The following SUCO variants were observed in gnomAD, a reference collection of about 807,000 sequenced individuals.
SUCO encodes SUN domain-containing ossification factor.
In SUCO, 57 loss-of-function variants were observed where a neutral mutation model predicts 148.1. The ratio of observed to expected loss-of-function variants is 0.38; its 90% CI spans 0.31 to 0.48. The LOEUF is 0.48. Ranked by LOEUF, SUCO falls within the 20% of genes least tolerant of loss-of-function variation. SUCO has a pLI of 0.96. For synonymous variants in SUCO, 470 were observed against 502.7 expected, an observed-to-expected ratio of 0.93 and a Z score of 0.87; for missense variants, 1,331 against 1,468.2, an observed-to-expected ratio of 0.91 and a Z score of 1.53.
intron 19 of SUCO, among the ~76,000 whole-genome samples, chr1:172,595,316 G>A (rs1558209622): frequency 6.6e-6 from 1 of 152,166 alleles, no homozygotes; most frequent in Non-Finnish European, 1.5e-5. Context: ...ATGTGATCCT[G>A]TCATTATGAT....
chr1:172,590,613 C>T (rs959533245), intron 18 of SUCO, among the ~76,000 whole-genome samples: 1 of 152,208 alleles, frequency 6.6e-6, no homozygotes, highest in Non-Finnish European at 1.5e-5. Flanking sequence ...TCTTACATCT[C>T]TTAAATTGAA....
chr1:172,536,649 A>G (rs1249759790), intron 1 of SUCO, among the ~76,000 whole-genome samples: 1 of 152,144 alleles, frequency 6.6e-6, no homozygotes, highest in Non-Finnish European at 1.5e-5. Flanking sequence ...AATTGACACA[A>G]ATTTAGTGGC....
Position 172,565,065 on chromosome 1 carries a change from A to ATCTGT in SUCO, c.733-3930_733-3926dup, listed in dbSNP as rs60994408. ...GCTCAGTCTATTCTATTCTGTTCTG[A>ATCTGT]TCTGTTCTGTTCTGTTCTGTTCTGT... On this transcript the variant is annotated intron_variant, in intron 6 of 23. Transcript: ENST00000263688. Among the ~76,000 whole-genome samples the ATCTGT allele has an allele frequency of 7.0e-3, 1,061 of 152,044 alleles. 7 individuals carry two copies. Among genetic ancestry groups the ATCTGT allele is most frequent in the African/African-American group, 0.013 (527 of 41,384 alleles).
rs1045006333 is a variant in SUCO, at chr1:172,611,308, C to T, written c.*1049C>T. 2 of 152,432 alleles carry T rather than the reference C, an allele frequency of 1.3e-5. No individual in the cohort carries two copies. The highest frequency in any genetic ancestry group is 2.1e-4 in the South Asian group (1 of 4,824). 9.4% of individuals were successfully genotyped at this position (152,432 alleles called of 1,614,324 possible). On this transcript the variant is annotated 3_prime_UTR_variant, in exon 24 of 24. Coordinates refer to ENST00000263688, the MANE Select transcript of SUCO (RefSeq NM_014283.5). Reference sequence around the variant, plus strand: ...TGCAGAGGTAATACATATGTGATGTCGATGTCTCTGTCTTTTTTTTTGTCT... The same window carrying T: ...TGCAGAGGTAATACATATGTGATGTTGATGTCTCTGTCTTTTTTTTTGTCT...
chr1:172,602,155 C>T lies in SUCO; in HGVS notation c.3110C>T (p.Ser1037Phe). ...TGTATGCAGCGTTGTCGAAATACTT[C>T]TCAATTTGATGGAGATTATATTTCA... Reference protein sequence around the residue: ...MLCMQRCRNTSQFDGDYISKL... With the variant: ...MLCMQRCRNTFQFDGDYISKL... The change falls in exon 21 of 24, where the codon TCT becomes TTT. Residue 1037 changes from serine to phenylalanine, a missense_variant. This residue lies in a region of SUCO where 334 missense variants were observed against 352.3 expected (regional missense o/e 0.95). Coordinates refer to ENST00000263688, the MANE Select transcript of SUCO (RefSeq NM_014283.5). 6.2e-7 allele frequency: 1 copy of T among 1,613,660 alleles called. No individual in the cohort carries two copies. The highest frequency in any genetic ancestry group is 8.5e-7 in the Non-Finnish European group (1 of 1,179,826).
At chr1:172,589,999 T>C in intron 18 of SUCO, 73 bp downstream of exon 18, 1 of 1,227,860 alleles carries the variant, frequency 8.1e-7, no homozygotes. Flanking sequence ...GACCTGTGAT[T>C]ACAGGAGAGG....
In SUCO at chr1:172,609,855, A is replaced by C. The variant is rs762116688; in HGVS notation, c.3361A>C (p.Ile1121Leu). The C allele has an allele frequency of 3.1e-6, 5 of 1,609,690 alleles. No individual in the cohort carries two copies. Among genetic ancestry groups the C allele is most frequent in the Non-Finnish European group, 4.2e-6 (5 of 1,178,856 alleles). The change falls in exon 24 of 24, where the codon ATA (isoleucine) becomes CTA (leucine). Residue 1121 changes from isoleucine (I) to leucine (L), a missense_variant. Ile to Leu is a conservative substitution (Grantham distance 5, BLOSUM62 2). Transcript: ENST00000263688. ...CKYKIEKIETIKPEEPLHPIA... is the reference protein window; with the variant it reads ...CKYKIEKIETLKPEEPLHPIA... Reference sequence around the variant, plus strand: ...GTACAAAATTGAAAAAATTGAGACCATAAAGCCTGAAGAACCATTGCACCC... The same window carrying C: ...GTACAAAATTGAAAAAATTGAGACCCTAAAGCCTGAAGAACCATTGCACCC...
At chr1:172,539,918 A>G (rs930949252) in intron 1 of SUCO, among the ~76,000 whole-genome samples, 1 of 152,194 alleles carries the variant, frequency 6.6e-6, no homozygotes, top group Non-Finnish European at 1.5e-5. Context: ...TTGTTACAAT[A>G]CAGATAGTGG....
At chr1:172,567,563 G>T (rs1209066025) in intron 6 of SUCO, among the ~76,000 whole-genome samples, 1 of 152,070 alleles carries the variant, frequency 6.6e-6, no homozygotes, top group African/African-American at 2.4e-5. Context: ...ATTGTTTTGA[G>T]ATTTGTTCAT....
intron 19 of SUCO, 72 bp from the exon 20 acceptor site, chr1:172,599,992 T>A: frequency 9.7e-7 from 1 of 1,031,676 alleles, no homozygotes; most frequent in South Asian, 1.7e-5. Context: ...TTTTTTAGAT[T>A]ATTTGACTTC....
chr1:172,549,696 G>C (rs372212333), intron 1 of SUCO, among the ~76,000 whole-genome samples: 1 of 151,744 alleles, frequency 6.6e-6, no homozygotes, highest in Non-Finnish European at 1.5e-5. Flanking sequence ...TTTTTCCTGA[G>C]TCCCTCTGCT....
chr1:172,608,239 G>T, intron 22 of SUCO: 1 of 275,056 alleles, frequency 3.6e-6, no homozygotes, highest in Non-Finnish European at 5.6e-6. Context: ...GTAATAAACA[G>T]AGAAAAATAT....
In SUCO at chr1:172,591,033, G is replaced by A. The variant is rs116451217; in HGVS notation, c.2875G>A (p.Val959Met). The change falls in exon 19 of 24, where the codon GTG becomes ATG. Residue 959 changes from valine (V) to methionine (M), a missense_variant. By Grantham distance (21) the Val-to-Met change is conservative. Around this residue, in one of 3 missense-constraint regions of SUCO, gnomAD observed 334 missense variants for 352.3 expected, o/e 0.95. Coordinates refer to ENST00000263688, the MANE Select transcript of SUCO (RefSeq NM_014283.5). ...GCAAAAGGCTTTCAATAAAACAATCGTGAAACTTCAGAATACTTCAAGAAT... is the reference window on the plus strand; with the variant it reads ...GCAAAAGGCTTTCAATAAAACAATCATGAAACTTCAGAATACTTCAAGAAT... The part of the protein sequence containing the change: ...EMQKAFNKTI[V>M]KLQNTSRIAE... The A allele has an allele frequency of 6.8e-6, 11 of 1,612,120 alleles. No individual in the cohort carries two copies. Among genetic ancestry groups the A allele is most frequent in the African/African-American group, 5.3e-5 (4 of 74,908 alleles).
intron 19 of SUCO, among the ~76,000 whole-genome samples, chr1:172,591,988 G>GGT (rs1558206889): frequency 6.6e-6 from 1 of 152,138 alleles, no homozygotes; most frequent in African/African-American, 2.4e-5. Context: ...GGTGTGAGAT[G>GGT]GTATCTCATT....
At chr1:172,602,917 C>T in intron 22 of SUCO, 130 bp downstream of exon 22, 1 of 740,728 alleles carries the variant, frequency 1.4e-6, no homozygotes, top group Non-Finnish European at 2.2e-6. Context: ...TGTCTTTGTG[C>T]TGTGTCAAGC....
intron 9 of SUCO, among the ~76,000 whole-genome samples, chr1:172,571,522 C>T (rs1432609357): frequency 4.0e-5 from 6 of 150,304 alleles, no homozygotes; most frequent in African/African-American, 1.2e-4. Flanking sequence ...GGCCGCCCAT[C>T]GTCTGGGACG....
chr1:172,571,370 G>T (rs1042917774), intron 9 of SUCO, among the ~76,000 whole-genome samples: 23 of 152,158 alleles, frequency 1.5e-4, no homozygotes, highest in Admixed American at 1.5e-3. Flanking sequence ...GCTCAATGGT[G>T]CCCAGGCTGG....
rs181581021 is a variant in SUCO, at chr1:172,586,017, A to G, written c.1658+69A>G. On this transcript the variant is annotated intron_variant, in intron 17 of 23. Coordinates refer to ENST00000263688, the MANE Select transcript of SUCO (RefSeq NM_014283.5). Reference sequence around the variant, plus strand: ...GAGATAAGTATATTAGTATAAAAAAAGGAATTTGTGATTTGTGTGTGAAAT... The same window carrying G: ...GAGATAAGTATATTAGTATAAAAAAGGGAATTTGTGATTTGTGTGTGAAAT... 1,819 of 1,020,288 alleles carry G rather than the reference A, an allele frequency of 1.8e-3. 3 individuals are homozygous for G. Among genetic ancestry groups the G allele is most frequent in the Non-Finnish European group, 2.4e-3 (1,700 of 694,450 alleles). 63.2% of individuals were successfully genotyped at this position (1,020,288 alleles called of 1,614,324 possible).
At chr1:172,539,109 T>C (rs1197516862) in intron 1 of SUCO, among the ~76,000 whole-genome samples, 1 of 152,232 alleles carries the variant, frequency 6.6e-6, no homozygotes, top group East Asian at 1.9e-4. Context: ...TGTACATCAC[T>C]CTTTCACTTT....
Sources: allele counts gnomAD v4.1 joint callset (sites outside exome capture counted in the v4.1 genomes callset), GRCh38; gene constraint gnomAD v4.1.1; regional missense constraint gnomAD v4.1.1; transcripts MANE v1.5; gene names NCBI Gene and HGNC (gene_info 2026-07-23, HGNC 2026-07-21).